Variants in STARD13 observed in about 807,000 individuals in gnomAD.
STARD13 encodes the protein stAR-related lipid transfer protein 13.
Under a neutral mutation model 106.4 loss-of-function variants are expected in STARD13, and 62 were observed. That is an observed-to-expected ratio of 0.58 (90% CI 0.48 to 0.72). STARD13 has a LOEUF of 0.72. Among genes scored for constraint, STARD13 ranks in the 30% least tolerant of loss-of-function variants. The pLI is 0.00. For missense variants in STARD13, 1,387 were observed against 1,424.0 expected, an observed-to-expected ratio of 0.97 and a Z score of 0.42; for synonymous variants, 565 against 553.0, an observed-to-expected ratio of 1.02 and a Z score of -0.31.
At chr13:33,605,370 A>T in the STARD13 span, among the ~76,000 whole-genome samples, 1 of 151,416 alleles carries the variant, frequency 6.6e-6, no homozygotes, top group Non-Finnish European at 1.5e-5. Flanking sequence ...GGAGTAAGTC[A>T]CCACATCCAG....
chr13:33,253,581 G>A (rs550173312), intron 1 of STARD13, among the ~76,000 whole-genome samples: 1 of 152,278 alleles, frequency 6.6e-6, no homozygotes, highest in African/African-American at 2.4e-5. Context: ...TGGGTGAGGG[G>A]GACCTCCTTG....
At chr13:33,164,459 G>A (rs1883096545) in intron 3 of STARD13, 1 of 152,126 alleles carries the variant, frequency 6.6e-6, no homozygotes, top group South Asian at 2.1e-4. Flanking sequence ...GGAATACTGG[G>A]TTTTAAGGTC....
intron 1 of STARD13, among the ~76,000 whole-genome samples, chr13:33,200,844 A>AC (rs754767678): frequency 2.5e-4 from 37 of 150,592 alleles, no homozygotes; most frequent in South Asian, 1.1e-3. Flanking sequence ...ACACGGTGAA[A>AC]CCCGTCTCTA....
intron 1 of STARD13, among the ~76,000 whole-genome samples, chr13:33,321,694 G>A (rs1893566088): frequency 6.6e-6 from 1 of 152,312 alleles, no homozygotes; most frequent in Non-Finnish European, 1.5e-5. Context: ...AGAGCTAGGA[G>A]GTGGTAGCAT....
chr13:33,548,381 C>A, the STARD13 span, among the ~76,000 whole-genome samples: 1 of 152,064 alleles, frequency 6.6e-6, no homozygotes, highest in East Asian at 1.9e-4. Flanking sequence ...CAAGGGCCAT[C>A]AGTTCTTAAA....
the STARD13 span, among the ~76,000 whole-genome samples, chr13:33,585,272 T>G: frequency 6.6e-6 from 1 of 152,208 alleles, no homozygotes; most frequent in African/African-American, 2.4e-5. Context: ...CAATTCCACT[T>G]CAGGGCATAT....
At chr13:33,474,939 C>T in the STARD13 span, among the ~76,000 whole-genome samples, 1 of 152,076 alleles carries the variant, frequency 6.6e-6, no homozygotes, top group African/African-American at 2.4e-5. Flanking sequence ...AAGGAAGTAA[C>T]TTGAAATGAT....
At chr13:33,583,726 A>G in the STARD13 span, among the ~76,000 whole-genome samples, 1 of 152,196 alleles carries the variant, frequency 6.6e-6, no homozygotes, top group African/African-American at 2.4e-5. Flanking sequence ...GTAGCAACTC[A>G]TAGCTCCAAA....
intron 1 of STARD13, among the ~76,000 whole-genome samples, chr13:33,268,175 A>G (rs759335011): frequency 1.2e-4 from 19 of 152,218 alleles, no homozygotes; most frequent in Non-Finnish European, 2.2e-4. Flanking sequence ...AGAGTTCGAT[A>G]GCTATCTGCT....
At chr13:33,160,895 G>A (rs145876025) in intron 3 of STARD13, among the ~76,000 whole-genome samples, 1 of 152,228 alleles carries the variant, frequency 6.6e-6, no homozygotes, top group African/African-American at 2.4e-5. Flanking sequence ...ATCATATAGA[G>A]CCCACGATCC....
chr13:33,357,333 T>G, the STARD13 span, among the ~76,000 whole-genome samples: 6,925 of 152,316 alleles, frequency 0.045, 562 homozygotes, highest in African/African-American at 0.16. Flanking sequence ...CAACAAACCT[T>G]TGGCATCTCT....
At chr13:33,481,823 CA>C in the STARD13 span, among the ~76,000 whole-genome samples, 4 of 148,630 alleles carry the variant, frequency 2.7e-5, no homozygotes, top group South Asian at 2.1e-4. Context: ...ACTAAAAATA[CA>C]AAAAATTAGC....
the STARD13 span, among the ~76,000 whole-genome samples, chr13:33,505,729 A>G: frequency 0.3 from 45,387 of 152,010 alleles, 7,659 homozygotes; most frequent in Non-Finnish European, 0.39. Context: ...TGACAAAAAT[A>G]ACAGATAGAA....
the STARD13 span, among the ~76,000 whole-genome samples, chr13:33,448,967 T>C: frequency 6.6e-6 from 1 of 152,116 alleles, no homozygotes; most frequent in Non-Finnish European, 1.5e-5. Context: ...TTCAGTTCCC[T>C]ATATATTTTG....
intron 3 of STARD13, 105 bp downstream of exon 3, chr13:33,165,232 G>A: frequency 2.4e-6 from 2 of 833,194 alleles, no homozygotes; most frequent in South Asian, 1.4e-5. Flanking sequence ...CACATGGTAG[G>A]CACTCAGTGA....
At chr13:33,411,107 C>T in the STARD13 span, among the ~76,000 whole-genome samples, 1 of 152,162 alleles carries the variant, frequency 6.6e-6, no homozygotes, top group African/African-American at 2.4e-5. Flanking sequence ...TATTTGACTT[C>T]TTCAAAATAT....
the STARD13 span, among the ~76,000 whole-genome samples, chr13:33,367,907 C>T: frequency 1.3e-5 from 2 of 152,106 alleles, no homozygotes; most frequent in Non-Finnish European, 2.9e-5. Context: ...TAATCTCTCA[C>T]AATTAGTGCA....
chr13:33,217,841 A>C (rs1888130758), intron 1 of STARD13, among the ~76,000 whole-genome samples: 1 of 152,210 alleles, frequency 6.6e-6, no homozygotes, highest in Non-Finnish European at 1.5e-5. Flanking sequence ...GGATAAACAA[A>C]GCACGGTTCT....
At chr13:33,449,282 T>C in the STARD13 span, among the ~76,000 whole-genome samples, 1 of 152,168 alleles carries the variant, frequency 6.6e-6, no homozygotes, top group South Asian at 2.1e-4. Context: ...TGTTTGTCTA[T>C]GGTGAGAGAA....
Sources: gnomAD v4.1 joint callset for allele counts (sites outside exome capture counted in the v4.1 genomes callset) on GRCh38, gnomAD v4.1.1 for gene constraint, MANE v1.5 for transcripts, NCBI Gene and HGNC (gene_info 2026-07-23, HGNC 2026-07-21) for gene names.